The following SLITRK5 variants were observed in gnomAD, a reference collection of about 807,000 sequenced individuals.
SLITRK5 encodes the protein SLIT and NTRK like family member 5.
A neutral mutation model predicts 56.2 loss-of-function variants in SLITRK5; 23 were observed. The ratio of observed to expected loss-of-function variants is 0.41; its 90% confidence interval spans 0.29 to 0.58. SLITRK5 has a LOEUF of 0.58. Among genes scored for constraint, SLITRK5 ranks in the 20% least tolerant of loss-of-function variants. SLITRK5 has a pLI of 0.30. For synonymous variants in SLITRK5, 637 were observed against 531.8 expected, an observed-to-expected ratio of 1.20 and a Z score of -2.72; for missense variants, 1,289 against 1,226.6, an observed-to-expected ratio of 1.05 and a Z score of -0.76.
chr13:87,676,200 A>G lies in SLITRK5; in HGVS notation c.812A>G (p.His271Arg). The change falls in exon 2 of 2, where the codon CAC becomes CGC. Residue 271 changes from histidine (H) to arginine (R), a missense_variant. By Grantham distance (29) the His-to-Arg change is conservative. This residue lies in a region of SLITRK5 where 985 missense variants were observed against 906.0 expected (regional missense o/e 1.09). Coordinates refer to ENST00000683689, the MANE Select transcript of SLITRK5 (RefSeq NM_001384609.1). ...DVVCETPFRL[H>R]GRDLDEVSKQ... Reference sequence around the variant, plus strand: ...GTTTGTGAGACCCCCTTCCGCTTACACGGAAGGGACTTGGACGAGGTATCC... The same window carrying G: ...GTTTGTGAGACCCCCTTCCGCTTACGCGGAAGGGACTTGGACGAGGTATCC... The G allele has an allele frequency of 1.9e-6, 3 of 1,613,866 alleles. No individual in the cohort carries two copies. Among genetic ancestry groups the G allele is most frequent in the Non-Finnish European group, 2.5e-6 (3 of 1,179,870 alleles).
Position 87,679,155 on chromosome 13 carries a change from C to G in SLITRK5, c.*890C>G, listed in dbSNP as rs1472516792. The G allele has an allele frequency of 6.0e-6, 1 of 166,876 alleles. No individual in the cohort carries two copies. Among genetic ancestry groups the G allele is most frequent in the Non-Finnish European group, 1.5e-5 (1 of 68,102 alleles). 10.3% of individuals were successfully genotyped at this position (166,876 alleles called of 1,614,324 possible). A position where few individuals can be genotyped will look rare whatever the true frequency, so the allele number is the denominator to read the frequency against. ...AATGTGGAGAATTTAATGGCTAAAT[C>G]TTTAAAAGCCAATGCAACCCACCCA... On this transcript the variant is annotated 3_prime_UTR_variant, in exon 2 of 2. Coordinates refer to ENST00000683689, the MANE Select transcript of SLITRK5 (RefSeq NM_001384609.1).
In SLITRK5 at chr13:87,677,354, G is replaced by C; in HGVS notation, c.1966G>C (p.Gly656Arg). The C allele has an allele frequency of 6.2e-7, 1 of 1,614,058 alleles. No homozygotes were observed. The highest frequency in any genetic ancestry group is 8.5e-7 in the Non-Finnish European group (1 of 1,180,012). The change falls in exon 2 of 2, where the codon GGA becomes CGA. Residue 656 changes from glycine to arginine, a missense_variant. Gly to Arg is a moderately radical substitution (Grantham distance 125). Coordinates refer to ENST00000683689, the MANE Select transcript of SLITRK5 (RefSeq NM_001384609.1). This position sits in a 1 kb window ranked among gnomAD's most constrained non-coding sequence, Gnocchi z 4.7. ...TGAPASLGAG[G>R]GASSVPLSVL... ...GGCCCCCGCGAGCTTGGGCGCAGGC[G>C]GAGGGGCGTCGTCGGTGCCCTTGTC...
rs1422864688 is a variant in SLITRK5, at chr13:87,679,530, G to A, written c.*1265G>A. On this transcript the variant is annotated 3_prime_UTR_variant, in exon 2 of 2. Coordinates refer to ENST00000683689, the MANE Select transcript of SLITRK5 (RefSeq NM_001384609.1). ...GACAAACAGGATATCTGTAAGATGG[G>A]GCTACTGTTGTTACAGTCTCATATG... 2 of 166,442 alleles carry A rather than the reference G, an allele frequency of 1.2e-5. No homozygotes were observed. Among genetic ancestry groups the A allele is most frequent in the African/African-American group, 4.9e-5 (2 of 41,218 alleles). The allele number at this position is 166,442 out of a possible 1,614,324, so 10.3% of individuals were successfully genotyped here.
chr13:87,678,282 T>C lies in SLITRK5; in HGVS notation c.*17T>C, dbSNP rs2137948713. The C allele has an allele frequency of 1.3e-6, 2 of 1,571,032 alleles. No individual in the cohort carries two copies. The highest frequency in any genetic ancestry group is 1.2e-5 in the South Asian group (1 of 85,598). ...CAGTTCTAAAAGCAAAGAAACTCTC[T>C]TGGAGCTTTTGCATTTAAAACAAAC... is the stretch of plus-strand genomic sequence containing the variant. On this transcript the variant is annotated 3_prime_UTR_variant, in exon 2 of 2. Coordinates refer to ENST00000683689, the MANE Select transcript of SLITRK5 (RefSeq NM_001384609.1).
rs778484366 is a variant in SLITRK5, at chr13:87,677,696, G to C, written c.2308G>C (p.Gly770Arg). 2 of 1,606,648 alleles carry C rather than the reference G, an allele frequency of 1.2e-6. No homozygotes were observed. The highest frequency in any genetic ancestry group is 3.3e-5 in the Admixed American group (2 of 59,792). Reference protein sequence around the residue: ...CKNPIYRSREGNSVEDYKDLH... With the variant: ...CKNPIYRSRERNSVEDYKDLH... ...AAACCCCATCTACCGCTCCCGAGAG[G>C]GCAACTCCGTAGAGGATTACAAAGA... is the stretch of plus-strand genomic sequence containing the variant. Residue 770 changes from glycine (G) to arginine (R), a missense_variant, in exon 2 of 2, where the codon GGC (glycine) becomes CGC (arginine). This residue lies in a region of SLITRK5 where 985 missense variants were observed against 906.0 expected (regional missense o/e 1.09). Coordinates refer to ENST00000683689, the MANE Select transcript of SLITRK5 (RefSeq NM_001384609.1). This position sits in a 1 kb window ranked among gnomAD's most constrained non-coding sequence, Gnocchi z 4.7.
Position 87,678,141 on chromosome 13 carries a change from GCCC to G in SLITRK5, c.2757_2759del (p.Pro920del). ...AGGCTACGGGAACCGGTGCTCTACA[GCCC>G]CCCGAGTGCTGTCTTTGTAGAACCC... On this transcript the variant is annotated inframe_deletion, in exon 2 of 2. Transcript: ENST00000683689. The G allele has an allele frequency of 6.2e-7, 1 of 1,614,208 alleles. No homozygotes were observed. Among genetic ancestry groups the G allele is most frequent in the South Asian group, 1.1e-5 (1 of 91,086 alleles).
chr13:87,675,280 G>T, intron 1 of SLITRK5, 101 bp from the exon 2 acceptor site: 2 of 756,674 alleles, frequency 2.6e-6, no homozygotes, highest in Non-Finnish European at 2.2e-6. Flanking sequence ...CTTCCTTTTG[G>T]GTTTTAGAGT....
chr13:87,678,543 G>A lies in SLITRK5; in HGVS notation c.*278G>A, dbSNP rs2137949048. On this transcript the variant is annotated 3_prime_UTR_variant, in exon 2 of 2. Transcript: ENST00000683689. ...TTAAGGAGGCCAATTTGCTGCGCGG[G>A]TGACCTGTGAAAGGTCACAGTCATT... The A allele has an allele frequency of 2.4e-6, 1 of 421,490 alleles. No homozygotes were observed. Among genetic ancestry groups the A allele is most frequent in the South Asian group, 5.2e-5 (1 of 19,314 alleles). The allele number at this position is 421,490 out of a possible 1,614,324, so 26.1% of individuals were successfully genotyped here. A position where few individuals can be genotyped will look rare whatever the true frequency, so the allele number is the denominator to read the frequency against.
Position 87,677,646 on chromosome 13 carries a change from C to T in SLITRK5, c.2258C>T (p.Pro753Leu), listed in dbSNP as rs1203904991. 1 of 1,608,224 alleles carries T rather than the reference C, an allele frequency of 6.2e-7. No homozygotes were observed. The highest frequency in any genetic ancestry group is 1.7e-5 in the Admixed American group (1 of 59,838). ...GCGGGCCACGTGTATGAATACATCC[C>T]CCACCCACTGGGCCACATGTGCAAA... Reference protein sequence around the residue: ...TPAGHVYEYIPHPLGHMCKNP... With the variant: ...TPAGHVYEYILHPLGHMCKNP... Residue 753 changes from proline (P) to leucine (L), a missense_variant, in exon 2 of 2, where the codon CCC becomes CTC. Physicochemically the swap from Pro to Leu is moderately conservative, Grantham distance 98 (BLOSUM62 -3). Around this residue, in one of 3 missense-constraint regions of SLITRK5, gnomAD observed 985 missense variants for 906.0 expected, o/e 1.09. Transcript: ENST00000683689. The surrounding 1 kb of genome is among the most constrained non-coding windows in gnomAD (Gnocchi z 4.7).
Position 87,678,110 on chromosome 13 carries a change from G to T in SLITRK5, c.2722G>T (p.Asp908Tyr). The T allele has an allele frequency of 1.2e-6, 2 of 1,614,238 alleles. No individual in the cohort carries two copies. Among genetic ancestry groups the T allele is most frequent in the Non-Finnish European group, 1.7e-6 (2 of 1,180,050 alleles). ...TCAGTATTTGCACCCGGGGGCAGGG[G>T]ACAGCAGGCTACGGGAACCGGTGCT... ...PHQYLHPGAGDSRLREPVLYS... is the reference protein window; with the variant it reads ...PHQYLHPGAGYSRLREPVLYS... Residue 908 changes from aspartate (D) to tyrosine (Y), a missense_variant, in exon 2 of 2, where the codon GAC becomes TAC. Asp to Tyr is a radical substitution (Grantham distance 160). Transcript: ENST00000683689.
rs1197630120 is a variant in SLITRK5 at position 87,676,561 on chromosome 13, A to G, written c.1173A>G (p.Val391=). 5.6e-6 allele frequency: 9 copies of G among 1,614,016 alleles called. No homozygotes were observed. Among genetic ancestry groups the G allele is most frequent in the Non-Finnish European group, 7.6e-6 (9 of 1,180,038 alleles). The part of the protein sequence containing the change: ...NLQISDLGLN[V]NCQERKIESI... ...AGATCTCTGATCTGGGCCTCAACGT[A>G]AACTGCCAGGAGCGAAAGATCGAGA... is the stretch of plus-strand genomic sequence containing the variant. Residue 391 remains valine (V), a synonymous_variant, in exon 2 of 2, where the codon GTA becomes GTG. Transcript: ENST00000683689.
chr13:87,676,471 C>A lies in SLITRK5; in HGVS notation c.1083C>A (p.Ser361Arg), dbSNP rs780028089. 1 of 1,614,104 alleles carries A rather than the reference C, an allele frequency of 6.2e-7. No individual in the cohort carries two copies. Among genetic ancestry groups the A allele is most frequent in the Non-Finnish European group, 8.5e-7 (1 of 1,180,016 alleles). ...TGGGCTACAGCAACTATGGCCCCAG[C>A]ATCGCCTATCAGACCAAATCCCCGG... ...KDLGYSNYGP[S>R]IAYQTKSPVP... The change falls in exon 2 of 2, where the codon AGC (serine) becomes AGA (arginine). Residue 361 changes from serine (S) to arginine (R), a missense_variant. Ser to Arg is a moderately radical substitution (Grantham distance 110, BLOSUM62 -1). Transcript: ENST00000683689.
chr13:87,675,702 C>T lies in SLITRK5; in HGVS notation c.314C>T (p.Thr105Ile). 6.2e-7 allele frequency: 1 copy of T among 1,614,184 alleles called. No homozygotes were observed. ...TATCCCAATGAGTTTGTCAATTACA[C>T]TGGGGCTTCAATTTTGCATCTAGGT... ...RLYPNEFVNY[T>I]GASILHLGSN... Residue 105 changes from threonine (T) to isoleucine (I), a missense_variant, in exon 2 of 2, where the codon ACT becomes ATT. By Grantham distance (89) the Thr-to-Ile change is moderately conservative. Coordinates refer to ENST00000683689, the MANE Select transcript of SLITRK5 (RefSeq NM_001384609.1).
In SLITRK5 at chr13:87,679,084, T is replaced by G. The variant is rs1183603447; in HGVS notation, c.*819T>G. ...GTGTCACACTGTATTAGGATCTGCA[T>G]TTCTAAAACTGACGTGGTATCAGGA... On this transcript the variant is annotated 3_prime_UTR_variant, in exon 2 of 2. Coordinates refer to ENST00000683689, the MANE Select transcript of SLITRK5 (RefSeq NM_001384609.1). The G allele has an allele frequency of 6.0e-6, 1 of 166,822 alleles. No homozygotes were observed. The highest frequency in any genetic ancestry group is 1.5e-5 in the Non-Finnish European group (1 of 68,108). 10.3% of individuals were successfully genotyped at this position (166,822 alleles called of 1,614,324 possible).
intron 1 of SLITRK5, among the ~76,000 whole-genome samples, chr13:87,673,819 C>T (rs1877151613): frequency 6.6e-6 from 1 of 152,024 alleles, no homozygotes; most frequent in Admixed American, 6.5e-5. Context: ...GCAAGGTCTC[C>T]AGGCTTGAAC....
rs899053209 is a variant in SLITRK5, at chr13:87,676,011, G to A, written c.623G>A (p.Arg208Gln). 1.2e-6 allele frequency: 2 copies of A among 1,613,962 alleles called. No homozygotes were observed. The highest frequency in any genetic ancestry group is 3.3e-5 in the Admixed American group (2 of 60,000). Residue 208 changes from arginine (R) to glutamine (Q), a missense_variant, in exon 2 of 2, where the codon CGG becomes CAG. Transcript: ENST00000683689. ...RFVPLTHLDL[R>Q]GNRLKLLPYV... Reference sequence around the variant, plus strand: ...GTGCCCTTAACGCACTTGGACCTCCGGGGGAACCGGCTGAAACTTCTGCCC... The same window carrying A: ...GTGCCCTTAACGCACTTGGACCTCCAGGGGAACCGGCTGAAACTTCTGCCC...
Position 87,677,019 on chromosome 13 carries a change from C to T in SLITRK5, c.1631C>T (p.Pro544Leu). 6.2e-7 allele frequency: 1 copy of T among 1,614,144 alleles called. No individual in the cohort carries two copies. Reference protein sequence around the residue: ...NLRSNHFTSLPVSGVLDQLKS... With the variant: ...NLRSNHFTSLLVSGVLDQLKS... Reference sequence around the variant, plus strand: ...AGGAGTAACCACTTCACCTCCTTGCCAGTGAGTGGAGTTTTGGACCAGCTG... The same window carrying T: ...AGGAGTAACCACTTCACCTCCTTGCTAGTGAGTGGAGTTTTGGACCAGCTG... The change falls in exon 2 of 2, where the codon CCA becomes CTA. Residue 544 changes from proline to leucine, a missense_variant. Pro to Leu is a moderately conservative substitution (Grantham distance 98). This residue lies in a region of SLITRK5 where 985 missense variants were observed against 906.0 expected (regional missense o/e 1.09). Coordinates refer to ENST00000683689, the MANE Select transcript of SLITRK5 (RefSeq NM_001384609.1). This position sits in a 1 kb window ranked among gnomAD's most constrained non-coding sequence, Gnocchi z 4.7.
chr13:87,673,551 C>G, intron 1 of SLITRK5: 1 of 1,280,242 alleles, frequency 7.8e-7, no homozygotes, highest in Non-Finnish European at 1.0e-6. Context: ...CGGATTTGAT[C>G]CAGCGGAGAA....
Position 87,676,339 on chromosome 13 carries a change from C to T in SLITRK5, c.951C>T (p.Ala317=). The T allele has an allele frequency of 6.2e-7, 1 of 1,614,112 alleles. No homozygotes were observed. Among genetic ancestry groups the T allele is most frequent in the Non-Finnish European group, 8.5e-7 (1 of 1,180,026 alleles). ...CCCCGGCGTCAGTGAATTCTGTGGCCACTTCTTCCTCTGCTGTTTACAAAC... is the reference window on the plus strand; with the variant it reads ...CCCCGGCGTCAGTGAATTCTGTGGCTACTTCTTCCTCTGCTGTTTACAAAC... ...HTTPASVNSV[A]TSSSAVYKPP... is the part of the protein sequence containing the mutation. The change falls in exon 2 of 2, where the codon GCC becomes GCT. Residue 317 remains alanine, a synonymous_variant. Coordinates refer to ENST00000683689, the MANE Select transcript of SLITRK5 (RefSeq NM_001384609.1).
Sources: allele counts gnomAD v4.1 joint callset (sites outside exome capture counted in the v4.1 genomes callset), GRCh38; gene constraint gnomAD v4.1.1; regional missense constraint gnomAD v4.1.1; non-coding constraint Gnocchi (gnomAD v3.1); transcripts MANE v1.5; gene names NCBI Gene and HGNC (gene_info 2026-07-23, HGNC 2026-07-21).